Variants in SLC1A2 observed in about 807,000 individuals in gnomAD.
The protein encoded by SLC1A2 is solute carrier family 1 member 2, also known as excitatory amino acid transporter 2.
Under a neutral mutation model 48.8 loss-of-function variants are expected in SLC1A2, and 15 were observed. That is an observed-to-expected ratio of 0.31 (90% CI 0.21 to 0.47). SLC1A2 has a LOEUF of 0.47. Ranked by LOEUF, SLC1A2 falls within the 20% of genes least tolerant of loss-of-function variation. SLC1A2 has a pLI of 0.99. For missense variants in SLC1A2, 502 were observed against 730.5 expected (o/e 0.69, Z 3.61); for synonymous variants, 279 against 272.6 (o/e 1.02, Z -0.23).
At chr11:35,293,103 A>G (rs1851064372) in intron 6 of SLC1A2, among the ~76,000 whole-genome samples, 1 of 152,326 alleles carries the variant, frequency 6.6e-6, no homozygotes, top group Middle Eastern at 3.4e-3. Context: ...TATTCTAACA[A>G]TAATGCTGGC....
At chr11:35,374,382 C>G (rs555570917) in intron 1 of SLC1A2, 32 of 706,272 alleles carry the variant, frequency 4.5e-5, no homozygotes, top group South Asian at 4.5e-4. Context: ...TTACAGAGAC[C>G]TGGCCTCCCT....
rs1950354298 is a variant in SLC1A2, at chr11:35,259,013, C to G, written c.*1881G>C. 1 of 151,792 alleles carries G rather than the reference C, an allele frequency of 6.6e-6. No individual in the cohort carries two copies. The highest frequency in any genetic ancestry group is 6.6e-5 in the Admixed American group (1 of 15,196). 9.4% of individuals were successfully genotyped at this position (151,792 alleles called of 1,614,324 possible). A position where few individuals can be genotyped will look rare whatever the true frequency, so the allele number is the denominator to read the frequency against. ...AATCATATCCCTTGACCACCCTGAC[C>G]CTGTTTACTGCCCATCTACTGGAAA... On this transcript the variant is annotated 3_prime_UTR_variant, in exon 11 of 11. Transcript: ENST00000278379.
intron 1 of SLC1A2, among the ~76,000 whole-genome samples, chr11:35,363,959 C>T (rs755286537): frequency 1.3e-5 from 2 of 152,176 alleles, no homozygotes; most frequent in Non-Finnish European, 2.9e-5. Flanking sequence ...AAGACAAGAG[C>T]TTAGCAGGTG....
chr11:35,410,271 T>C (rs1855420889), intron 1 of SLC1A2, among the ~76,000 whole-genome samples: 1 of 152,170 alleles, frequency 6.6e-6, no homozygotes, highest in South Asian at 2.1e-4. Context: ...TACTTATCAT[T>C]TTTTGGTGGT....
chr11:35,316,911 CA>C (rs752222844), intron 2 of SLC1A2: 2 of 155,374 alleles, frequency 1.3e-5, no homozygotes, highest in African/African-American at 2.4e-5. Flanking sequence ...CTAATGTGCC[CA>C]AATTACCTAA....
intron 6 of SLC1A2, among the ~76,000 whole-genome samples, chr11:35,296,237 G>A (rs2134766615): frequency 6.6e-6 from 1 of 152,206 alleles, no homozygotes; most frequent in East Asian, 1.9e-4. Context: ...GTGGAGGTAA[G>A]CTGAGGGACT....
chr11:35,294,611 G>T (rs181648557), intron 6 of SLC1A2, among the ~76,000 whole-genome samples: 1 of 152,276 alleles, frequency 6.6e-6, no homozygotes, highest in East Asian at 1.9e-4. Flanking sequence ...ACCCTTTAAA[G>T]ATGTCCAGAA....
chr11:35,340,578 T>C (rs1852801481), intron 1 of SLC1A2, among the ~76,000 whole-genome samples: 2 of 152,250 alleles, frequency 1.3e-5, no homozygotes, highest in South Asian at 4.1e-4. Flanking sequence ...CCACTCACTT[T>C]AGTCCCTGAG....
chr11:35,342,759 C>A (rs1014033901), intron 1 of SLC1A2, among the ~76,000 whole-genome samples: 3 of 151,636 alleles, frequency 2.0e-5, no homozygotes, highest in Non-Finnish European at 2.9e-5. Flanking sequence ...GCACTCCAGC[C>A]TGGGCGCGAC....
intron 1 of SLC1A2, among the ~76,000 whole-genome samples, chr11:35,358,248 T>C (rs1276452316): frequency 6.6e-6 from 1 of 152,202 alleles, no homozygotes; most frequent in Non-Finnish European, 1.5e-5. Context: ...GAATACAACA[T>C]TTCAACAGTG....
chr11:35,302,293 T>C (rs1275857670), intron 5 of SLC1A2, among the ~76,000 whole-genome samples: 1 of 152,268 alleles, frequency 6.6e-6, no homozygotes, highest in Non-Finnish European at 1.5e-5. Flanking sequence ...CTGTTATTTA[T>C]GAATTTGTCA....
Position 35,384,915 on chromosome 11 carries a change from C to T in SLC1A2, c.17+34035G>A, listed in dbSNP as rs9667283. On this transcript the variant is annotated intron_variant, in intron 1 of 10. Transcript: ENST00000278379. ...AGAGTCTCAGTGCAAGATGGCTTCC[C>T]TACACAATTGTGTACCCAAAAAGTA... Among the ~76,000 whole-genome samples the T allele has an allele frequency of 4.9e-3, 752 of 152,334 alleles. 4 individuals carry two copies. Among genetic ancestry groups the T allele is most frequent in the African/African-American group, 0.017 (697 of 41,576 alleles).
At chr11:35,332,125 G>A (rs1485910165) in intron 1 of SLC1A2, among the ~76,000 whole-genome samples, 1 of 152,166 alleles carries the variant, frequency 6.6e-6, no homozygotes, top group Non-Finnish European at 1.5e-5. Flanking sequence ...TCCACCAGAA[G>A]CTCCAACTAA....
At chr11:35,420,228 G>A (rs1855750291), upstream of SLC1A2, among the ~76,000 whole-genome samples, 1 of 151,274 alleles carries the variant, frequency 6.6e-6, no homozygotes, top group African/African-American at 2.4e-5. Context: ...AGTGGCGGGG[G>A]ACGGTTCTCC....
At chr11:35,292,983 G>GAGAGAC (rs1591437130) in intron 6 of SLC1A2, among the ~76,000 whole-genome samples, 1 of 105,730 alleles carries the variant, frequency 9.5e-6, no homozygotes, top group South Asian at 3.5e-4. Context: ...TGAAATGAGA[G>GAGAGAC]AGAGACAGAG....
chr11:35,306,614 A>AAC (rs1469297432), intron 4 of SLC1A2, among the ~76,000 whole-genome samples: 1 of 152,160 alleles, frequency 6.6e-6, no homozygotes, highest in East Asian at 1.9e-4. Context: ...TCTGCTATCA[A>AAC]ACATTGAATG....
intron 1 of SLC1A2, among the ~76,000 whole-genome samples, chr11:35,368,850 G>A (rs1295084108): frequency 6.6e-6 from 1 of 152,220 alleles, no homozygotes; most frequent in Non-Finnish European, 1.5e-5. Flanking sequence ...TTTTGTGTAG[G>A]AAAGCAGATG....
chr11:35,362,147 TACCCCAG>T (rs1853703300), intron 1 of SLC1A2, among the ~76,000 whole-genome samples: 1 of 152,182 alleles, frequency 6.6e-6, no homozygotes, highest in Admixed American at 6.5e-5. Flanking sequence ...AACTACCATC[TACCCCAG>T]ACAGCAGATG....
intron 1 of SLC1A2, among the ~76,000 whole-genome samples, chr11:35,364,806 G>A (rs1853788870): frequency 6.6e-6 from 1 of 152,150 alleles, no homozygotes; most frequent in Non-Finnish European, 1.5e-5. Flanking sequence ...TAATATTTAT[G>A]GTCATTTATT....
Sources: gnomAD v4.1 joint callset for allele counts (sites outside exome capture counted in the v4.1 genomes callset) on GRCh38, gnomAD v4.1.1 for gene constraint, MANE v1.5 for transcripts, NCBI Gene and HGNC (gene_info 2026-07-23, HGNC 2026-07-21) for gene names.